COL4A6: variants seen among roughly 807,000 people sequenced by gnomAD.
COL4A6 encodes collagen type IV alpha 6 chain, also known as collagen alpha-6(IV) chain.
Under a neutral mutation model 126.7 loss-of-function variants are expected in COL4A6, and 59 were observed. The observed-to-expected ratio is 0.47, with a 90% confidence interval of 0.38 to 0.58. The LOEUF is 0.58. Ranked by LOEUF, COL4A6 falls within the 20% of genes least tolerant of loss-of-function variation. The probability of loss-of-function intolerance (pLI) is 0.00; values close to 1 mark genes in which losing one functional copy is unlikely to be tolerated. For synonymous variants in COL4A6, 547 were observed against 496.6 expected (o/e 1.10, Z -1.35); for missense variants, 1,285 against 1,337.3 (o/e 0.96, Z 0.61).
chrX:108,175,021 A>C lies in COL4A6; in HGVS notation c.2956+69T>G. 9.0e-6 allele frequency: 10 copies of C among 1,109,059 alleles called. No homozygotes were observed. In the South Asian group the frequency reaches 2.2e-4, roughly 24 times the overall value. 91.4% of individuals were successfully genotyped at this position (1,109,059 alleles called of 1,213,427 possible). ...GGCTGTACTTGAGGGCCTTTGCTCA[A>C]GAAGGAAGCCAAGTTTGGTTATGAA... On this transcript the variant is annotated intron_variant, in intron 30 of 44. Coordinates refer to ENST00000334504, the MANE Select transcript of COL4A6 (RefSeq NM_033641.4).
intron 42 of COL4A6, among the ~76,000 whole-genome samples, chrX:108,161,336 G>T (rs752314514): frequency 3.0e-4 from 34 of 111,736 alleles, no homozygotes; most frequent in South Asian, 7.6e-4. Flanking sequence ...GGGGCCATCT[G>T]TAGTATAAAG....
intron 23 of COL4A6, among the ~76,000 whole-genome samples, chrX:108,185,073 C>T (rs1436992445): frequency 8.9e-6 from 1 of 111,939 alleles, no homozygotes; most frequent in Non-Finnish European, 1.9e-5. Context: ...ACTAGGACTT[C>T]CAACAGGCAG....
intron 13 of COL4A6, among the ~76,000 whole-genome samples, chrX:108,200,622 T>C (rs187912076): frequency 1.8e-5 from 2 of 110,669 alleles, no homozygotes; most frequent in East Asian, 5.7e-4. Context: ...GGGGGAGAGA[T>C]GGAGAGAGGT....
intron 2 of COL4A6, among the ~76,000 whole-genome samples, chrX:108,354,269 G>A (rs1018123242): frequency 8.9e-6 from 1 of 111,758 alleles, no homozygotes; most frequent in African/African-American, 3.3e-5. Flanking sequence ...GTGCTGCACC[G>A]GATGCAAAGG....
intron 2 of COL4A6, among the ~76,000 whole-genome samples, chrX:108,394,792 G>T (rs1051060455): frequency 8.9e-6 from 1 of 111,918 alleles, no homozygotes; most frequent in African/African-American, 3.2e-5. Context: ...AGACATAAAA[G>T]AATTTACACC....
intron 2 of COL4A6, among the ~76,000 whole-genome samples, chrX:108,377,073 A>G (rs1210303507): frequency 8.9e-6 from 1 of 112,692 alleles, no homozygotes; most frequent in African/African-American, 3.2e-5. Flanking sequence ...TTTCCCGGAG[A>G]GGGGGATGTG....
In COL4A6 at chrX:108,318,655, T is replaced by C. The variant is rs770481747; in HGVS notation, c.64-7827A>G. Among the ~76,000 whole-genome samples the C allele has an allele frequency of 4.5e-5, 5 of 111,742 alleles. No individual in the cohort carries two copies. The East Asian group carries it at 1.4e-3, about 31-fold the overall frequency. On this transcript the variant is annotated intron_variant, in intron 2 of 44. Coordinates refer to ENST00000334504, the MANE Select transcript of COL4A6 (RefSeq NM_033641.4). ...TCAAAGAGAATAAAATACCCAGGAA[T>C]CCAACTTACAAGGGACGTGAAGGAC...
At chrX:108,205,384 G>A (rs369213484) in intron 11 of COL4A6, 55 bp downstream of exon 11, 12 of 964,955 alleles carry the variant, frequency 1.2e-5, no homozygotes, top group African/African-American at 9.6e-5. Context: ...TGTGTAATCA[G>A]ACACATTTCT....
At chrX:108,161,585 G>GCCCC in intron 42 of COL4A6, 34 bp downstream of exon 42, 1 of 241,528 alleles carries the variant, frequency 4.1e-6, no homozygotes, top group Non-Finnish European at 7.6e-6. Flanking sequence ...CACCATCCCC[G>GCCCC]CCCCGCCCGC....
chrX:108,235,782 G>A (rs2036414712), intron 3 of COL4A6, among the ~76,000 whole-genome samples: 1 of 111,517 alleles, frequency 9.0e-6, no homozygotes, highest in African/African-American at 3.3e-5. Flanking sequence ...CTGGTTCTTA[G>A]AGAAAGCAGA....
At chrX:108,183,878 G>T in intron 23 of COL4A6, 1 of 408,671 alleles carries the variant, frequency 2.4e-6, no homozygotes, top group Non-Finnish European at 3.6e-6. Flanking sequence ...CAAATCCCTT[G>T]TCTGAACTTA....
intron 16 of COL4A6, 108 bp from the exon 17 acceptor site, chrX:108,193,805 T>C (rs1440128348): frequency 5.1e-6 from 3 of 590,079 alleles, no homozygotes; most frequent in Non-Finnish European, 8.1e-6. Context: ...CTTCCTTCTA[T>C]AACCCCAGAT....
intron 2 of COL4A6, among the ~76,000 whole-genome samples, chrX:108,376,131 T>C (rs1482886805): frequency 8.9e-6 from 1 of 111,790 alleles, no homozygotes; most frequent in Non-Finnish European, 1.9e-5. Flanking sequence ...TACTCAATGT[T>C]GGTTAAATTT....
chrX:108,228,285 T>C (rs2036221744), intron 3 of COL4A6, among the ~76,000 whole-genome samples: 1 of 112,310 alleles, frequency 8.9e-6, no homozygotes, highest in South Asian at 3.7e-4. Flanking sequence ...AGGTAAAACA[T>C]AGTTTCTGCA....
intron 3 of COL4A6, among the ~76,000 whole-genome samples, chrX:108,302,070 AC>A (rs755481669): frequency 9.0e-6 from 1 of 111,278 alleles, no homozygotes; most frequent in East Asian, 2.8e-4. Flanking sequence ...TTGATTGCAC[AC>A]CCTTTTTCAA....
Position 108,157,080 on chromosome X carries a change from A to G in COL4A6, c.4993T>C (p.Leu1665=), listed in dbSNP as rs767249186. ...TVEERQQFGE[L]PVSETLKAGQ... ...GCTTTCAGCGTTTCAGACACAGGCAACTCCCCAAACTGCTGCCTCTCCTCC... is the reference window on the plus strand; with the variant it reads ...GCTTTCAGCGTTTCAGACACAGGCAGCTCCCCAAACTGCTGCCTCTCCTCC... Residue 1665 remains leucine, a synonymous_variant, in exon 45 of 45, where the codon TTG becomes CTG. Coordinates refer to ENST00000334504, the MANE Select transcript of COL4A6 (RefSeq NM_033641.4). The G allele has an allele frequency of 8.3e-6, 10 of 1,209,268 alleles. No homozygotes were observed. The highest frequency in any genetic ancestry group is 4.4e-5 in the Admixed American group (2 of 45,725).
chrX:108,395,010 A>G (rs930940634), intron 2 of COL4A6, among the ~76,000 whole-genome samples: 1 of 111,225 alleles, frequency 9.0e-6, no homozygotes, highest in African/African-American at 3.3e-5. Context: ...AATAATCCAT[A>G]TGAATACAGG....
At chrX:108,385,824 C>T (rs945638557) in intron 2 of COL4A6, among the ~76,000 whole-genome samples, 5 of 110,468 alleles carry the variant, frequency 4.5e-5, no homozygotes, top group African/African-American at 1.7e-4. Context: ...CCCATCAACC[C>T]CTCATCTACA....
At chrX:108,305,752 C>T (rs1258251574) in intron 3 of COL4A6, among the ~76,000 whole-genome samples, 1 of 111,917 alleles carries the variant, frequency 8.9e-6, no homozygotes, top group Non-Finnish European at 1.9e-5. Flanking sequence ...ACAAGCATGA[C>T]TCCCAGTTTT....
Sources: gnomAD v4.1 joint callset for allele counts (sites outside exome capture counted in the v4.1 genomes callset) on GRCh38, gnomAD v4.1.1 for gene constraint, MANE v1.5 for transcripts, NCBI Gene and HGNC (gene_info 2026-07-23, HGNC 2026-07-21) for gene names.